The following ACAP2 variants were observed in gnomAD, a reference collection of about 807,000 sequenced individuals.
ACAP2 encodes ArfGAP with coiled-coil, ankyrin repeat and PH domains 2, also known as arf-GAP with coiled-coil, ANK repeat and PH domain-containing protein 2.
ACAP2 carries 39 observed loss-of-function variants against 115.8 expected under a neutral mutation model. That is an observed-to-expected ratio of 0.34 (90% confidence interval 0.26 to 0.44). ACAP2 has a LOEUF of 0.44. Among genes scored for constraint, ACAP2 ranks in the 20% least tolerant of loss-of-function variants. ACAP2 has a pLI of 1.00. For synonymous variants in ACAP2, 289 were observed against 315.8 expected (o/e 0.92, Z 0.90); for missense variants, 662 against 927.6 (o/e 0.71, Z 3.72).
chr3:195,278,685 A>G lies in ACAP2; in HGVS notation c.*643T>C, dbSNP rs916784489. 1.3e-5 allele frequency: 2 copies of G among 152,070 alleles called. No homozygotes were observed. The highest frequency in any genetic ancestry group is 4.8e-5 in the African/African-American group (2 of 41,386). The allele number at this position is 152,070 out of a possible 1,614,324, so 9.4% of individuals were successfully genotyped here. On this transcript the variant is annotated 3_prime_UTR_variant, in exon 23 of 23. Coordinates refer to ENST00000326793, the MANE Select transcript of ACAP2 (RefSeq NM_012287.6). ...AATCTAAAGGACTGAATTATGGTCT[A>G]CCTGTACAGCCATTATACATACATA...
intron 2 of ACAP2, among the ~76,000 whole-genome samples, chr3:195,390,941 G>C (rs76922462): frequency 0.022 from 3,343 of 152,166 alleles, 116 homozygotes; most frequent in East Asian, 0.1. Context: ...CTACTATATA[G>C]CAAACAGTGT....
intron 4 of ACAP2, among the ~76,000 whole-genome samples, chr3:195,355,655 T>C (rs1428318251): frequency 2.0e-5 from 3 of 152,206 alleles, no homozygotes; most frequent in Non-Finnish European, 4.4e-5. Context: ...TTATTCCTCA[T>C]ACATGTATGA....
chr3:195,428,722 A>AAC (rs1028969139), intron 1 of ACAP2, among the ~76,000 whole-genome samples: 1 of 152,156 alleles, frequency 6.6e-6, no homozygotes, highest in Non-Finnish European at 1.5e-5. Context: ...ACTGCAATTA[A>AAC]ACACACACAT....
At chr3:195,329,423 C>T (rs1419095877) in intron 8 of ACAP2, among the ~76,000 whole-genome samples, 1 of 152,178 alleles carries the variant, frequency 6.6e-6, no homozygotes, top group African/African-American at 2.4e-5. Flanking sequence ...CCACAAACCT[C>T]AGATCCCATC....
intron 15 of ACAP2, among the ~76,000 whole-genome samples, chr3:195,300,317 T>C (rs1727964696): frequency 6.6e-6 from 1 of 152,138 alleles, no homozygotes; most frequent in South Asian, 2.1e-4. Context: ...AGTGCTGGGA[T>C]TACAGGCATG....
intron 13 of ACAP2, among the ~76,000 whole-genome samples, chr3:195,302,951 T>C (rs1728164724): frequency 1.3e-5 from 2 of 152,098 alleles, no homozygotes; most frequent in Admixed American, 1.3e-4. Flanking sequence ...CAATGGCTCA[T>C]GTCTGTAATC....
At chr3:195,423,305 A>G (rs1304368669) in intron 1 of ACAP2, among the ~76,000 whole-genome samples, 2 of 152,180 alleles carry the variant, frequency 1.3e-5, no homozygotes, top group African/African-American at 2.4e-5. Context: ...TCACTGTACA[A>G]TCCTTTCTTG....
intron 4 of ACAP2, among the ~76,000 whole-genome samples, chr3:195,353,889 AGGT>A (rs1407909476): frequency 6.6e-6 from 1 of 152,172 alleles, no homozygotes; most frequent in African/African-American, 2.4e-5. Flanking sequence ...TTTGTTACAT[AGGT>A]AAACGGGTGT....
At chr3:195,349,361 AT>A (rs1350521115) in intron 4 of ACAP2, among the ~76,000 whole-genome samples, 3 of 152,082 alleles carry the variant, frequency 2.0e-5, no homozygotes, top group Middle Eastern at 3.2e-3. Context: ...CATCCCTGTA[AT>A]CCCAGCTACT....
intron 6 of ACAP2, among the ~76,000 whole-genome samples, chr3:195,338,149 T>C (rs972299934): frequency 2.6e-5 from 4 of 152,234 alleles, no homozygotes; most frequent in African/African-American, 9.6e-5. Context: ...ACTCAGAACA[T>C]TTATAACTAC....
chr3:195,394,304 C>T (rs529164713), intron 1 of ACAP2, among the ~76,000 whole-genome samples: 14 of 152,248 alleles, frequency 9.2e-5, no homozygotes, highest in African/African-American at 2.6e-4. Flanking sequence ...TCACTAAGTA[C>T]GCTAATTGTC....
At position 195,285,869 on chromosome 3, in the gene ACAP2, T is replaced by C. The variant is rs199686850; in HGVS notation, c.2175-12A>G. On this transcript the variant is annotated splice_polypyrimidine_tract_variant and intron_variant, in intron 21 of 22. Transcript: ENST00000326793. ...TTGCTAAACGTAACCTAAAAATAAA[T>C]AAAATAGTGTTTTAGATGACATTAT... The C allele has an allele frequency of 3.1e-6, 5 of 1,594,722 alleles. No individual in the cohort carries two copies. The highest frequency in any genetic ancestry group is 4.3e-6 in the Non-Finnish European group (5 of 1,166,872).
At chr3:195,311,093 TTTTTTTTTTG>T (rs1012060833) in intron 10 of ACAP2, among the ~76,000 whole-genome samples, 24 of 104,188 alleles carry the variant, frequency 2.3e-4, no homozygotes, top group East Asian at 3.8e-4. Context: ...GGTTTTTTTG[TTTTTTTTTTG>T]TTTTTTTTTT....
In ACAP2 at chr3:195,293,512, A is replaced by G. The variant is rs117211196; in HGVS notation, c.1766-1060T>C. Among the ~76,000 whole-genome samples the G allele has an allele frequency of 2.0e-5, 3 of 152,360 alleles. No individual in the cohort carries two copies. In the East Asian group the frequency reaches 5.8e-4, roughly 29 times the overall value. On this transcript the variant is annotated intron_variant, in intron 18 of 22. Coordinates refer to ENST00000326793, the MANE Select transcript of ACAP2 (RefSeq NM_012287.6). ...TAAAAATTATCCTTGGCAATTGGTA[A>G]GGCACTTTTAGCACATACCATTAGG...
In ACAP2 at chr3:195,297,039, AC is replaced by A. The variant is rs573836272; in HGVS notation, c.1487+150del. On this transcript the variant is annotated intron_variant, in intron 16 of 22. Transcript: ENST00000326793. ...TCAATACAATATAATTATCTAATTA[AC>A]ATACCGAAGAAAGAGATAGCCAACA... 150 of 653,558 alleles carry A rather than the reference AC, an allele frequency of 2.3e-4. No individual in the cohort carries two copies. In the African/African-American group the frequency reaches 2.4e-3, roughly 10 times the overall value. 40.5% of individuals were successfully genotyped at this position (653,558 alleles called of 1,614,324 possible).
Position 195,311,474 on chromosome 3 carries a change from A to C in ACAP2, c.858-2637T>G, listed in dbSNP as rs183207594. Reference sequence around the variant, plus strand: ...TCATGGACTGTGAAATATAGAAAAAATACTTAACTTTGGATTCAGAAACTG... The same window carrying C: ...TCATGGACTGTGAAATATAGAAAAACTACTTAACTTTGGATTCAGAAACTG... On this transcript the variant is annotated intron_variant, in intron 10 of 22. Transcript: ENST00000326793. Among the ~76,000 whole-genome samples, 14 of 152,260 alleles carry C rather than the reference A, an allele frequency of 9.2e-5. No homozygotes were observed. In the East Asian group the frequency reaches 2.7e-3, roughly 29 times the overall value.
intron 1 of ACAP2, among the ~76,000 whole-genome samples, chr3:195,393,566 C>A (rs1471160833): frequency 6.6e-6 from 1 of 152,200 alleles, no homozygotes; most frequent in East Asian, 1.9e-4. Context: ...AATACTTCTT[C>A]CTGACTAAAA....
intron 2 of ACAP2, among the ~76,000 whole-genome samples, chr3:195,386,194 G>A (rs1359216033): frequency 6.6e-6 from 1 of 152,158 alleles, no homozygotes; most frequent in Non-Finnish European, 1.5e-5. Flanking sequence ...GGCAAATCCA[G>A]GGACAGAAAG....
rs1184993398 is a variant in ACAP2, at chr3:195,297,182, A to G, written c.1487+8T>C. On this transcript the variant is annotated splice_region_variant and intron_variant, in intron 16 of 22. Transcript: ENST00000326793. ...CTAATTAGGGGGAAAAAACAACTGAAATAGTACCTTTGTCCTGGTTGGGGT... is the reference window on the plus strand; with the variant it reads ...CTAATTAGGGGGAAAAAACAACTGAGATAGTACCTTTGTCCTGGTTGGGGT... 1.9e-6 allele frequency: 3 copies of G among 1,609,690 alleles called. No individual in the cohort carries two copies. In the African/African-American group the frequency reaches 4.0e-5, roughly 22 times the overall value.
Sources: allele counts gnomAD v4.1 joint callset (sites outside exome capture counted in the v4.1 genomes callset), GRCh38; gene constraint gnomAD v4.1.1; transcripts MANE v1.5; gene names NCBI Gene and HGNC (gene_info 2026-07-23, HGNC 2026-07-21).